Variants in CHUK observed in about 807,000 individuals in gnomAD.
CHUK encodes inhibitor of nuclear factor kappa-B kinase subunit alpha.
A neutral mutation model predicts 104.8 loss-of-function variants in CHUK; 35 were observed. That is an observed-to-expected ratio of 0.33 (90% confidence interval 0.26 to 0.44). The LOEUF (loss-of-function observed/expected upper bound fraction) is 0.44, where lower values mean the gene tolerates loss of function less well. CHUK is among the 20% of genes least tolerant of loss of function. The pLI, the probability that CHUK is intolerant of heterozygous loss-of-function variation, is 1.00. For synonymous variants in CHUK, 276 were observed against 291.9 expected (o/e 0.95, Z 0.56); for missense variants, 663 against 902.7 (o/e 0.73, Z 3.40).
Position 100,218,596 on chromosome 10 carries a change from G to C in CHUK, c.797+122C>G, listed in dbSNP as rs553652513. The C allele has an allele frequency of 1.1e-4, 82 of 738,056 alleles. 1 individual carries two copies. The South Asian group carries it at 1.2e-3, about 11-fold the overall frequency. The allele number at this position is 738,056 out of a possible 1,614,324, so 45.7% of individuals were successfully genotyped here. On this transcript the variant is annotated intron_variant, in intron 8 of 20. Transcript: ENST00000370397. ...TCATGTGGCCAACAGAAATATAGAAGGTTTCTACATCATCACAGAAAGTTC... is the reference window on the plus strand; with the variant it reads ...TCATGTGGCCAACAGAAATATAGAACGTTTCTACATCATCACAGAAAGTTC...
At chr10:100,191,260 C>G (rs922990885) in intron 19 of CHUK, among the ~76,000 whole-genome samples, 1 of 152,152 alleles carries the variant, frequency 6.6e-6, no homozygotes, top group Non-Finnish European at 1.5e-5. Flanking sequence ...CTTGTTTTTC[C>G]CGTGAAAATG....
intron 20 of CHUK, 171 bp downstream of exon 20, chr10:100,190,698 A>G (rs1845176338): frequency 1.5e-6 from 1 of 656,462 alleles, no homozygotes. Context: ...TATATCCCTG[A>G]GTAACGGCAG....
intron 1 of CHUK, among the ~76,000 whole-genome samples, chr10:100,228,462 TG>T (rs1846153754): frequency 6.6e-6 from 1 of 152,140 alleles, no homozygotes; most frequent in South Asian, 2.1e-4. Flanking sequence ...GAGACCAGCC[TG>T]GCCAACATGG....
At chr10:100,220,928 T>G (rs993817566) in intron 4 of CHUK, among the ~76,000 whole-genome samples, 4 of 152,192 alleles carry the variant, frequency 2.6e-5, no homozygotes, top group Non-Finnish European at 5.9e-5. Flanking sequence ...AACAAGCAAT[T>G]GGGAAAATCC....
chr10:100,192,310 C>T (rs1351023063), intron 19 of CHUK: 1 of 152,182 alleles, frequency 6.6e-6, no homozygotes, highest in Non-Finnish European at 1.5e-5. Context: ...ATTTTACTTC[C>T]TTCAACTCTG....
At chr10:100,190,567 T>C (rs1267814257) in intron 20 of CHUK, 5 of 389,242 alleles carry the variant, frequency 1.3e-5, no homozygotes, top group African/African-American at 1.0e-4. Flanking sequence ...AATTGATTGC[T>C]GAAGCAAAAA....
At chr10:100,222,015 TGTATAGTGTA>T in intron 4 of CHUK, 87 bp downstream of exon 4, 1 of 693,294 alleles carries the variant, frequency 1.4e-6, no homozygotes, top group Non-Finnish European at 2.6e-6. Context: ...CTATAGACTT[TGTATAGTGTA>T]TCAACAATTC....
chr10:100,228,768 T>C (rs574282436), intron 1 of CHUK, among the ~76,000 whole-genome samples: 1 of 152,240 alleles, frequency 6.6e-6, no homozygotes, highest in African/African-American at 2.4e-5. Flanking sequence ...TTAACTGTCC[T>C]CCACCTACTA....
chr10:100,214,654 T>C (rs774030053), intron 9 of CHUK, among the ~76,000 whole-genome samples: 2 of 152,112 alleles, frequency 1.3e-5, no homozygotes, highest in Non-Finnish European at 2.9e-5. Flanking sequence ...CTCAGGGCAT[T>C]AGTAAGAGAT....
chr10:100,190,981 A>G lies in CHUK; in HGVS notation c.2109-13T>C, dbSNP rs1284451024. 6.0e-6 allele frequency: 9 copies of G among 1,496,574 alleles called. No homozygotes were observed. Among genetic ancestry groups the G allele is most frequent in the East Asian group, 4.5e-5 (2 of 44,334 alleles). The allele number at this position is 1,496,574 out of a possible 1,614,324, so 92.7% of individuals were successfully genotyped here. A position where few individuals can be genotyped will look rare whatever the true frequency, so the allele number is the denominator to read the frequency against. On this transcript the variant is annotated splice_polypyrimidine_tract_variant and intron_variant, in intron 19 of 20. Transcript: ENST00000370397. ...TGCTGAAGTCTCCCTGTGAGATGAA[A>G]GAACAAAGCCTTTTCAAACTCAGGA... is the stretch of plus-strand genomic sequence containing the variant.
chr10:100,215,116 TC>T (rs1456391101), intron 9 of CHUK, among the ~76,000 whole-genome samples: 1 of 147,102 alleles, frequency 6.8e-6, no homozygotes, highest in Non-Finnish European at 1.5e-5. Flanking sequence ...GCACCTGTAA[TC>T]CCAGCTACTC....
At chr10:100,193,628 C>G (rs1334370567) in intron 18 of CHUK, 197 bp from the exon 19 acceptor site, 13 of 651,980 alleles carry the variant, frequency 2.0e-5, no homozygotes, top group Non-Finnish European at 3.4e-5. Flanking sequence ...TTGACTAAAA[C>G]CAAATATATC....
intron 18 of CHUK, chr10:100,193,692 A>G: frequency 1.7e-6 from 1 of 596,512 alleles, no homozygotes; most frequent in Non-Finnish European, 2.9e-6. Flanking sequence ...CCAGTTGAAT[A>G]GATGGTCAAT....
intron 9 of CHUK, among the ~76,000 whole-genome samples, chr10:100,210,959 G>C (rs959236477): frequency 1.3e-5 from 2 of 152,184 alleles, no homozygotes; most frequent in Non-Finnish European, 2.9e-5. Context: ...AGTATCCTTA[G>C]AAAAGCCATA....
intron 11 of CHUK, among the ~76,000 whole-genome samples, chr10:100,206,600 T>A (rs1845596275): frequency 6.6e-6 from 1 of 152,200 alleles, no homozygotes; most frequent in South Asian, 2.1e-4. Flanking sequence ...TGGTGTGGAT[T>A]ACACAAGTAT....
At chr10:100,220,714 A>T (rs1845966996) in intron 4 of CHUK, 38 bp from the exon 5 acceptor site, 2 of 1,353,138 alleles carry the variant, frequency 1.5e-6, no homozygotes, top group Non-Finnish European at 2.1e-6. Flanking sequence ...AGTAACAGAA[A>T]TCATTGAGTT....
intron 18 of CHUK, 37 bp from the exon 19 acceptor site, chr10:100,193,468 C>T: frequency 6.2e-7 from 1 of 1,612,686 alleles, no homozygotes; most frequent in South Asian, 1.1e-5. Flanking sequence ...AGATTACAGG[C>T]AAGCATCTCT....
intron 9 of CHUK, among the ~76,000 whole-genome samples, chr10:100,217,199 G>A (rs1845876604): frequency 2.0e-5 from 3 of 151,048 alleles, no homozygotes; most frequent in South Asian, 4.2e-4. Flanking sequence ...GCAAAACTTG[G>A]TTAGGGAAAG....
At chr10:100,220,377 AAG>A (rs1001227874) in intron 5 of CHUK, among the ~76,000 whole-genome samples, 2 of 150,606 alleles carry the variant, frequency 1.3e-5, no homozygotes, top group African/African-American at 5.0e-5. Flanking sequence ...AAGAAAAAAA[AAG>A]CAGGTGCTGT....
Sources: allele counts gnomAD v4.1 joint callset (sites outside exome capture counted in the v4.1 genomes callset), GRCh38; gene constraint gnomAD v4.1.1; transcripts MANE v1.5; gene names NCBI Gene and HGNC (gene_info 2026-07-23, HGNC 2026-07-21).